Variants in MYOM2 observed in about 807,000 individuals in gnomAD.
MYOM2 encodes the protein myomesin-2.
MYOM2 carries 254 observed loss-of-function variants against 187.6 expected under a neutral mutation model. The ratio of observed to expected loss-of-function variants is 1.35; its 90% CI spans 1.22 to 1.50. The LOEUF is 1.50. MYOM2 is among the 40% of genes most tolerant of loss of function. The pLI is 0.00. For missense variants in MYOM2, 2,796 were observed against 1,924.0 expected, an observed-to-expected ratio of 1.45 and a Z score of -8.48; for synonymous variants, 981 against 753.8, an observed-to-expected ratio of 1.30 and a Z score of -4.94.
At chr8:2,076,392 T>C (rs1182839612) in intron 11 of MYOM2, 110 bp downstream of exon 11, 24 of 1,410,928 alleles carry the variant, frequency 1.7e-5, no homozygotes, top group East Asian at 4.9e-5. Flanking sequence ...CATTTTTTGA[T>C]TGGCTCTAGG....
intron 15 of MYOM2, 34 bp downstream of exon 15, chr8:2,090,225 A>T: frequency 6.3e-7 from 1 of 1,595,156 alleles, no homozygotes; most frequent in Non-Finnish European, 8.6e-7. Flanking sequence ...CCAAGTCAGG[A>T]TGGACTAAGA....
chr8:2,050,841 A>C lies in MYOM2; in HGVS notation c.75A>C (p.Thr25=), dbSNP rs1311120460. 2.5e-6 allele frequency: 4 copies of C among 1,612,744 alleles called. No individual in the cohort carries two copies. Among genetic ancestry groups the C allele is most frequent in the Non-Finnish European group, 3.4e-6 (4 of 1,178,810 alleles). The part of the protein sequence containing the change: ...HFDQSYRNIQ[T]RYLLDEYASK... ...ACCAGTCCTACCGTAATATTCAAAC[A>C]CGGTACCTGCTGGACGAATATGCGT... Residue 25 remains threonine (T), a synonymous_variant, in exon 2 of 37, where the codon ACA becomes ACC. Coordinates refer to ENST00000262113, the MANE Select transcript of MYOM2 (RefSeq NM_003970.4).
chr8:2,096,195 C>A, intron 17 of MYOM2, 52 bp from the exon 18 acceptor site: 1 of 1,566,996 alleles, frequency 6.4e-7, no homozygotes, highest in Non-Finnish European at 8.7e-7. Context: ...GCCCCGGGGA[C>A]AAAGCCCCCA....
chr8:2,144,170 G>A (rs1056664354), intron 36 of MYOM2, among the ~76,000 whole-genome samples: 3 of 152,166 alleles, frequency 2.0e-5, no homozygotes, highest in African/African-American at 2.4e-5. Flanking sequence ...ATTAGCAATC[G>A]TTTTACTTTA....
At chr8:2,063,509 C>T (rs992995235) in intron 6 of MYOM2, among the ~76,000 whole-genome samples, 5 of 152,186 alleles carry the variant, frequency 3.3e-5, no homozygotes, top group African/African-American at 1.2e-4. Flanking sequence ...ATGATGTTCT[C>T]ATATTTTTAT....
chr8:2,084,613 G>A (rs1819744611), intron 13 of MYOM2, among the ~76,000 whole-genome samples: 1 of 152,138 alleles, frequency 6.6e-6, no homozygotes, highest in Non-Finnish European at 1.5e-5. Context: ...TAAAAAAGAT[G>A]TATGTCAGAA....
In MYOM2 at chr8:2,052,293, G is replaced by A. The variant is rs1366666496; in HGVS notation, c.243G>A (p.Glu81=). The A allele has an allele frequency of 1.9e-6, 3 of 1,605,158 alleles. No homozygotes were observed. The highest frequency in any genetic ancestry group is 2.2e-5 in the South Asian group (2 of 89,616). Residue 81 remains glutamate (E), a synonymous_variant, in exon 3 of 37, where the codon GAG becomes GAA. Transcript: ENST00000262113. ...AGCGAGTGAGCACGCAGGAAGATGA[G>A]GAGCAGGAGAACAGAAGCAGGTGAG... The part of the protein sequence containing the change: ...CAKRVSTQED[E]EQENRSRYQS...
intron 23 of MYOM2, among the ~76,000 whole-genome samples, chr8:2,108,566 C>T (rs1050354851): frequency 2.0e-5 from 3 of 152,120 alleles, no homozygotes; most frequent in Non-Finnish European, 4.4e-5. Context: ...ATGACTGTGC[C>T]CTGCCTTGTC....
At chr8:2,056,590 C>T (rs1441991188) in intron 3 of MYOM2, among the ~76,000 whole-genome samples, 1 of 152,142 alleles carries the variant, frequency 6.6e-6, no homozygotes, top group African/African-American at 2.4e-5. Flanking sequence ...TTTTAGTATT[C>T]AGACATTCCT....
chr8:2,140,238 C>A (rs1257692827), intron 32 of MYOM2, among the ~76,000 whole-genome samples: 1 of 152,120 alleles, frequency 6.6e-6, no homozygotes, highest in Non-Finnish European at 1.5e-5. Context: ...TTGGGATTTC[C>A]CTCATGTATT....
intron 31 of MYOM2, among the ~76,000 whole-genome samples, chr8:2,128,105 A>C (rs1047353096): frequency 6.6e-6 from 1 of 152,138 alleles, no homozygotes; most frequent in South Asian, 2.1e-4. Flanking sequence ...ATTTCATGGA[A>C]CCACATATCA....
In MYOM2 at chr8:2,144,850, A is replaced by G; in HGVS notation, c.4267A>G (p.Lys1423Glu). Residue 1423 changes from lysine to glutamate, a missense_variant, in exon 37 of 37, where the codon AAG becomes GAG. Physicochemically the swap from Lys to Glu is moderately conservative, Grantham distance 56. Coordinates refer to ENST00000262113, the MANE Select transcript of MYOM2 (RefSeq NM_003970.4). Reference protein sequence around the residue: ...SGKYSINIKNKYGGEKIDVTV... With the variant: ...SGKYSINIKNEYGGEKIDVTV... ...CAAGTACAGCATCAACATCAAGAATAAGTATGGCGGGGAGAAGATCGACGT... is the reference window on the plus strand; with the variant it reads ...CAAGTACAGCATCAACATCAAGAATGAGTATGGCGGGGAGAAGATCGACGT... 1 of 1,614,128 alleles carries G rather than the reference A, an allele frequency of 6.2e-7. No individual in the cohort carries two copies. The highest frequency in any genetic ancestry group is 8.5e-7 in the Non-Finnish European group (1 of 1,180,014).
At chr8:2,060,037 C>T (rs577341502) in intron 6 of MYOM2, among the ~76,000 whole-genome samples, 18 of 152,310 alleles carry the variant, frequency 1.2e-4, no homozygotes, top group East Asian at 1.2e-3. Flanking sequence ...CCACTGCCCC[C>T]GGCCCACACA....
chr8:2,116,470 T>C (rs889241649), intron 27 of MYOM2, among the ~76,000 whole-genome samples, 195 bp downstream of exon 27: 1 of 152,170 alleles, frequency 6.6e-6, no homozygotes, highest in African/African-American at 2.4e-5. Flanking sequence ...AAAGCGTGCC[T>C]CTAGCTTTAA....
chr8:2,063,219 C>A (rs1818907581), intron 6 of MYOM2, among the ~76,000 whole-genome samples: 1 of 152,234 alleles, frequency 6.6e-6, no homozygotes, highest in Non-Finnish European at 1.5e-5. Flanking sequence ...TCATACCAAA[C>A]TGCTGAGCCG....
At chr8:2,072,998 G>A (rs1028947669) in intron 9 of MYOM2, among the ~76,000 whole-genome samples, 22 of 152,174 alleles carry the variant, frequency 1.4e-4, no homozygotes, top group African/African-American at 4.6e-4. Flanking sequence ...AATCCCCCAC[G>A]GGCGGGGGGA....
chr8:2,132,040 C>G (rs78565301), intron 32 of MYOM2, among the ~76,000 whole-genome samples: 4,764 of 152,260 alleles, frequency 0.031, 257 homozygotes, highest in African/African-American at 0.11. Flanking sequence ...AGGTAGTCAT[C>G]ATGTATGATT....
chr8:2,143,544 C>G, intron 36 of MYOM2, 88 bp downstream of exon 36: 1 of 1,500,528 alleles, frequency 6.7e-7, no homozygotes, highest in African/African-American at 1.4e-5. Flanking sequence ...AGAGGGAACC[C>G]AGTGAGGGGC....
intron 33 of MYOM2, 74 bp downstream of exon 33, chr8:2,140,960 C>T (rs764787536): frequency 2.0e-4 from 284 of 1,449,276 alleles, no homozygotes; most frequent in Non-Finnish European, 2.5e-4. Flanking sequence ...GGAGGGAATA[C>T]AATATGAATA....
Sources: allele counts gnomAD v4.1 joint callset (sites outside exome capture counted in the v4.1 genomes callset), GRCh38; gene constraint gnomAD v4.1.1; transcripts MANE v1.5; gene names NCBI Gene and HGNC (gene_info 2026-07-23, HGNC 2026-07-21).